Variants in FSIP2 observed in about 807,000 individuals in gnomAD.
The protein encoded by FSIP2 is fibrous sheath interacting protein 2.
A neutral mutation model predicts 510.5 loss-of-function variants in FSIP2; 367 were observed. The ratio of observed to expected loss-of-function variants is 0.72; its 90% CI spans 0.66 to 0.78. The LOEUF is 0.78. FSIP2 is among the 30% of genes least tolerant of loss of function. The pLI is 0.00. For missense variants in FSIP2, 7,594 were observed against 7,901.7 expected, an observed-to-expected ratio of 0.96 and a Z score of 1.48; for synonymous variants, 2,601 against 2,732.2, an observed-to-expected ratio of 0.95 and a Z score of 1.50.
chr2:185,739,837 G>A (rs1691886946), intron 2 of FSIP2, among the ~76,000 whole-genome samples: 1 of 151,916 alleles, frequency 6.6e-6, no homozygotes, highest in Non-Finnish European at 1.5e-5. Flanking sequence ...GATATGTTAC[G>A]ATTTTAACTG....
At chr2:185,767,492 C>T (rs2105569056) in intron 13 of FSIP2, among the ~76,000 whole-genome samples, 1 of 152,152 alleles carries the variant, frequency 6.6e-6, no homozygotes, top group South Asian at 2.1e-4. Context: ...ATTCTCTGTT[C>T]CTATGAGCTT....
At chr2:185,782,413 C>A (rs1228283963) in intron 13 of FSIP2, among the ~76,000 whole-genome samples, 1 of 152,088 alleles carries the variant, frequency 6.6e-6, no homozygotes, top group Non-Finnish European at 1.5e-5. Flanking sequence ...AAACCACAGT[C>A]CAGAGAAGCA....
At position 185,794,315 on chromosome 2, in the gene FSIP2, T is replaced by G. The variant is rs1364606486; in HGVS notation, c.7179T>G (p.Val2393=). 1 of 1,523,302 alleles carries G rather than the reference T, an allele frequency of 6.6e-7. No individual in the cohort carries two copies. The highest frequency in any genetic ancestry group is 1.4e-5 in the African/African-American group (1 of 72,294). 94.4% of individuals were successfully genotyped at this position (1,523,302 alleles called of 1,614,324 possible). ...AAAACATCATTGTGAGTGAAATTGT[T>G]GACAGTATGTTAAAGATGTTAGATG... ...FQENIIVSEI[V]DSMLKMLDDK... Residue 2393 remains valine, a synonymous_variant, in exon 16 of 23, where the codon GTT becomes GTG. Transcript: ENST00000424728.
chr2:185,804,306 G>C lies in FSIP2; in HGVS notation c.15000G>C (p.Glu5000Asp), dbSNP rs757133485. The change falls in exon 17 of 23, where the codon GAG becomes GAC. Residue 5000 changes from glutamate (E) to aspartate (D), a missense_variant. Physicochemically the swap from Glu to Asp is conservative, Grantham distance 45. Coordinates refer to ENST00000424728, the MANE Select transcript of FSIP2 (RefSeq NM_173651.4). ...NSIVLEFTTS[E>D]ILVADNFDKN... Reference sequence around the variant, plus strand: ...TTGTTCTGGAGTTCACCACATCAGAGATTTTAGTTGCAGATAACTTTGATA... The same window carrying C: ...TTGTTCTGGAGTTCACCACATCAGACATTTTAGTTGCAGATAACTTTGATA... The C allele has an allele frequency of 2.6e-6, 4 of 1,514,118 alleles. No individual in the cohort carries two copies. The African/African-American group carries it at 4.2e-5, about 16-fold the overall frequency. 93.8% of individuals were successfully genotyped at this position (1,514,118 alleles called of 1,614,324 possible). A position where few individuals can be genotyped will look rare whatever the true frequency, so the allele number is the denominator to read the frequency against.
At chr2:185,746,009 T>C (rs947694408) in intron 5 of FSIP2, among the ~76,000 whole-genome samples, 1 of 152,112 alleles carries the variant, frequency 6.6e-6, no homozygotes, top group Non-Finnish European at 1.5e-5. Flanking sequence ...TAAATATGAC[T>C]CAGTCATATT....
chr2:185,790,915 A>T lies in FSIP2; in HGVS notation c.3779A>T (p.Asn1260Ile). 6.5e-7 allele frequency: 1 copy of T among 1,526,806 alleles called. No individual in the cohort carries two copies. Among genetic ancestry groups the T allele is most frequent in the South Asian group, 1.2e-5 (1 of 82,096 alleles). 94.6% of individuals were successfully genotyped at this position (1,526,806 alleles called of 1,614,324 possible). A position where few individuals can be genotyped will look rare whatever the true frequency, so the allele number is the denominator to read the frequency against. ...KSEPKPVDDI[N>I]DKIIRTIFKR... ...GAACCTAAACCTGTAGATGACATTAATGATAAGATCATTCGTACAATTTTT... is the reference window on the plus strand; with the variant it reads ...GAACCTAAACCTGTAGATGACATTATTGATAAGATCATTCGTACAATTTTT... Residue 1260 changes from asparagine (N) to isoleucine (I), a missense_variant, in exon 16 of 23, where the codon AAT (asparagine) becomes ATT (isoleucine). Transcript: ENST00000424728.
In FSIP2 at chr2:185,794,409, T is replaced by C. The variant is rs778441196; in HGVS notation, c.7273T>C (p.Ser2425Pro). 7.9e-6 allele frequency: 12 copies of C among 1,517,636 alleles called. No homozygotes were observed. The South Asian group carries it at 1.4e-4, about 17-fold the overall frequency. The allele number at this position is 1,517,636 out of a possible 1,614,324, so 94.0% of individuals were successfully genotyped here. ...ENSNFSQLAL[S>P]NEILLGHKEK... ...TTCTAACTTTTCACAATTAGCTTTATCAAATGAAATATTGCTGGGTCACAA... is the reference window on the plus strand; with the variant it reads ...TTCTAACTTTTCACAATTAGCTTTACCAAATGAAATATTGCTGGGTCACAA... Residue 2425 changes from serine (S) to proline (P), a missense_variant, in exon 16 of 23, where the codon TCA becomes CCA. Coordinates refer to ENST00000424728, the MANE Select transcript of FSIP2 (RefSeq NM_173651.4).
At chr2:185,813,088 A>ACC (rs1693767650) in intron 17 of FSIP2, among the ~76,000 whole-genome samples, 1 of 152,082 alleles carries the variant, frequency 6.6e-6, no homozygotes, top group Non-Finnish European at 1.5e-5. Flanking sequence ...TAAAGATTTT[A>ACC]AAACCATTAT....
At chr2:185,797,593 T>C in intron 16 of FSIP2, 67 bp downstream of exon 16, 1 of 1,430,622 alleles carries the variant, frequency 7.0e-7, no homozygotes, top group Non-Finnish European at 9.2e-7. Flanking sequence ...AAGACATGTT[T>C]AAAAGATCTC....
In FSIP2 at chr2:185,790,780, CAAAT is replaced by C. The variant is rs1392546112; in HGVS notation, c.3650_3653del (p.Lys1217ThrfsTer3). On this transcript the variant is annotated frameshift_variant, in exon 16 of 23. Coordinates refer to ENST00000424728, the MANE Select transcript of FSIP2 (RefSeq NM_173651.4). LOFTEE classifies it high-confidence loss of function. Reference sequence around the variant, plus strand: ...ACTGAACACATAGTCAAAGAAGCACCAAATAAATACCCATTAAAAACATGGTTTG... The same window carrying C: ...ACTGAACACATAGTCAAAGAAGCACCAAATACCCATTAAAAACATGGTTTG... The C allele has an allele frequency of 6.5e-7, 1 of 1,531,448 alleles. No individual in the cohort carries two copies. The highest frequency in any genetic ancestry group is 8.7e-7 in the Non-Finnish European group (1 of 1,144,126). The allele number at this position is 1,531,448 out of a possible 1,614,324, so 94.9% of individuals were successfully genotyped here.
At position 185,800,450 on chromosome 2, in the gene FSIP2, C is replaced by T. The variant is rs189766837; in HGVS notation, c.11144C>T (p.Thr3715Met). ...TTTTCACCAGATGAATGCCTAGATA[C>T]GGGTATGGATTCTGGTAAAATACAA... is the stretch of plus-strand genomic sequence containing the variant. Reference protein sequence around the residue: ...DLFSPDECLDTGMDSGKIQRT... With the variant: ...DLFSPDECLDMGMDSGKIQRT... Residue 3715 changes from threonine to methionine, a missense_variant, in exon 17 of 23, where the codon ACG becomes ATG. Physicochemically the swap from Thr to Met is moderately conservative, Grantham distance 81 (BLOSUM62 -1). Transcript: ENST00000424728. The T allele has an allele frequency of 4.5e-4, 696 of 1,530,886 alleles. 1 individual carries two copies. The African/African-American group carries it at 6.1e-3, about 13-fold the overall frequency. The allele number at this position is 1,530,886 out of a possible 1,614,324, so 94.8% of individuals were successfully genotyped here.
Position 185,789,889 on chromosome 2 carries a change from CT to C in FSIP2, c.2754del (p.Glu919AsnfsTer2). On this transcript the variant is annotated frameshift_variant, in exon 16 of 23. Coordinates refer to ENST00000424728, the MANE Select transcript of FSIP2 (RefSeq NM_173651.4). LOFTEE classifies it high-confidence loss of function. ...AATGCTATACTAGGTTATATACAAACTGAACTAAATAATGAGAGAATTATTG... is the reference window on the plus strand; with the variant it reads ...AATGCTATACTAGGTTATATACAAACGAACTAAATAATGAGAGAATTATTG... ...AINAILGYIQ[T>X]ELNNERIIAS... is the part of the protein sequence containing the mutation. 6.5e-7 allele frequency: 1 copy of C among 1,532,530 alleles called. No individual in the cohort carries two copies. The highest frequency in any genetic ancestry group is 8.7e-7 in the Non-Finnish European group (1 of 1,144,208). 94.9% of individuals were successfully genotyped at this position (1,532,530 alleles called of 1,614,324 possible).
Position 185,790,312 on chromosome 2 carries a change from G to T in FSIP2, c.3176G>T (p.Ser1059Ile), listed in dbSNP as rs1478254107. 2 of 1,533,760 alleles carry T rather than the reference G, an allele frequency of 1.3e-6. No individual in the cohort carries two copies. Among genetic ancestry groups the T allele is most frequent in the Non-Finnish European group, 1.7e-6 (2 of 1,145,424 alleles). ...CCACCTACAAAGCCTGGTTCTAGAAGCAAAGCTGCATTTCATGATTGGGAA... is the reference window on the plus strand; with the variant it reads ...CCACCTACAAAGCCTGGTTCTAGAATCAAAGCTGCATTTCATGATTGGGAA... ...IKPPTKPGSR[S>I]KAAFHDWELK... The change falls in exon 16 of 23, where the codon AGC (serine) becomes ATC (isoleucine). Residue 1059 changes from serine (S) to isoleucine (I), a missense_variant. Coordinates refer to ENST00000424728, the MANE Select transcript of FSIP2 (RefSeq NM_173651.4).
Position 185,807,915 on chromosome 2 carries a change from A to G in FSIP2, c.18609A>G (p.Lys6203=). The G allele has an allele frequency of 1.2e-6, 2 of 1,601,968 alleles. No homozygotes were observed. The highest frequency in any genetic ancestry group is 8.5e-7 in the Non-Finnish European group (1 of 1,175,828). ...CAAAAGTACATAAAGAAAGAACAAA[A>G]TCTCTAGAGACTGATATGCAAAAAA... The part of the protein sequence containing the change: ...IFPKVHKERT[K]SLETDMQKIT... The change falls in exon 17 of 23, where the codon AAA becomes AAG. Residue 6203 remains lysine (K), a synonymous_variant. Coordinates refer to ENST00000424728, the MANE Select transcript of FSIP2 (RefSeq NM_173651.4).
At chr2:185,787,652 T>G (rs531554376) in intron 15 of FSIP2, among the ~76,000 whole-genome samples, 1 of 151,932 alleles carries the variant, frequency 6.6e-6, no homozygotes, top group East Asian at 1.9e-4. Flanking sequence ...TTGCAGTTGC[T>G]AAATAGAGGT....
chr2:185,778,618 A>G (rs1692776798), intron 13 of FSIP2, among the ~76,000 whole-genome samples: 1 of 151,950 alleles, frequency 6.6e-6, no homozygotes, highest in African/African-American at 2.4e-5. Flanking sequence ...TCTTTATGAT[A>G]CCAACCATAA....
intron 19 of FSIP2, among the ~76,000 whole-genome samples, chr2:185,816,124 A>G (rs1693822002): frequency 6.6e-6 from 1 of 152,066 alleles, no homozygotes; most frequent in Admixed American, 6.6e-5. Context: ...CATTTATAAA[A>G]TTATACACAA....
chr2:185,763,824 T>C lies in FSIP2; in HGVS notation c.1347+535T>C, dbSNP rs548697999. Among the ~76,000 whole-genome samples the C allele has an allele frequency of 2.6e-5, 4 of 151,746 alleles. No individual in the cohort carries two copies. In the East Asian group the frequency reaches 7.8e-4, roughly 29 times the overall value. ...AATTCTTCATAACTAGAGTAGAAAG[T>C]GGCATCATTTTCCATGTCCTAGAAT... is the stretch of plus-strand genomic sequence containing the variant. On this transcript the variant is annotated intron_variant, in intron 12 of 22. Transcript: ENST00000424728.
chr2:185,792,709 C>T lies in FSIP2; in HGVS notation c.5573C>T (p.Ala1858Val), dbSNP rs2105618145. 1.3e-6 allele frequency: 2 copies of T among 1,533,812 alleles called. No individual in the cohort carries two copies. The highest frequency in any genetic ancestry group is 2.4e-5 in the East Asian group (1 of 40,828). The change falls in exon 16 of 23, where the codon GCC becomes GTC. Residue 1858 changes from alanine (A) to valine (V), a missense_variant. Ala to Val is a moderately conservative substitution (Grantham distance 64). Transcript: ENST00000424728. ...GTATTTCACAAACTTTATTCAGCTGCCATGACAGAAAGAAATGTAAGGGAA... is the reference window on the plus strand; with the variant it reads ...GTATTTCACAAACTTTATTCAGCTGTCATGACAGAAAGAAATGTAAGGGAA... ...RTVFHKLYSA[A>V]MTERNVRENR...
Sources: allele counts gnomAD v4.1 joint callset (sites outside exome capture counted in the v4.1 genomes callset), GRCh38; gene constraint gnomAD v4.1.1; transcripts MANE v1.5; gene names NCBI Gene and HGNC (gene_info 2026-07-23, HGNC 2026-07-21).